The following TDRD1 variants were observed in gnomAD, a reference collection of about 807,000 sequenced individuals.
TDRD1 encodes the protein tudor domain-containing protein 1.
Under a neutral mutation model 140.6 loss-of-function variants are expected in TDRD1, and 37 were observed. The observed-to-expected ratio is 0.26, with a 90% CI of 0.20 to 0.35. TDRD1 has a LOEUF of 0.35. Among genes scored for constraint, TDRD1 ranks in the 10% least tolerant of loss-of-function variants. TDRD1 has a pLI of 1.00. For synonymous variants in TDRD1, 506 were observed against 475.7 expected, an observed-to-expected ratio of 1.06 and a Z score of -0.83; for missense variants, 1,243 against 1,393.0, an observed-to-expected ratio of 0.89 and a Z score of 1.71.
At chr10:114,199,459 G>A in intron 4 of TDRD1, 142 bp downstream of exon 4, 3 of 1,032,176 alleles carry the variant, frequency 2.9e-6, no homozygotes, top group Non-Finnish European at 4.0e-6. Context: ...GCAGCTGTCA[G>A]CATCCTGCTG....
chr10:114,197,361 A>G (rs952062391), intron 3 of TDRD1, among the ~76,000 whole-genome samples: 1 of 151,964 alleles, frequency 6.6e-6, no homozygotes, highest in African/African-American at 2.4e-5. Flanking sequence ...TGAGTCTGCT[A>G]TTGTGTTTTG....
rs2034649397 is a variant in TDRD1, at chr10:114,200,388, T to C, written c.530-1022T>C. Among the ~76,000 whole-genome samples, 3 of 152,212 alleles carry C rather than the reference T, an allele frequency of 2.0e-5. No homozygotes were observed. In the South Asian group the frequency reaches 6.2e-4, roughly 32 times the overall value. On this transcript the variant is annotated intron_variant, in intron 4 of 25. Transcript: ENST00000251864. ...CTTTGTGGGTTTGTTGTTGTTGTTG[T>C]TGTTTTTTAGATAACCTGTTTCTTT...
At position 114,202,107 on chromosome 10, in the gene TDRD1, A is replaced by T. The variant is rs376084210; in HGVS notation, c.636-131A>T. Reference sequence around the variant, plus strand: ...CAGCACTGGGGAGTTTTACATTACCACTGTGATTCTGGAAGAAGCTGTTTT... The same window carrying T: ...CAGCACTGGGGAGTTTTACATTACCTCTGTGATTCTGGAAGAAGCTGTTTT... On this transcript the variant is annotated intron_variant, in intron 5 of 25. Coordinates refer to ENST00000251864, the Ensembl canonical transcript of TDRD1. 1.4e-5 allele frequency: 9 copies of T among 662,030 alleles called. No individual in the cohort carries two copies. In the East Asian group the frequency reaches 1.4e-4, roughly 11 times the overall value. The allele number at this position is 662,030 out of a possible 1,614,324, so 41.0% of individuals were successfully genotyped here. A position where few individuals can be genotyped will look rare whatever the true frequency, so the allele number is the denominator to read the frequency against.
chr10:114,191,490 C>A (rs1319044681), intron 3 of TDRD1, among the ~76,000 whole-genome samples: 1 of 152,146 alleles, frequency 6.6e-6, no homozygotes, highest in Admixed American at 6.5e-5. Context: ...CAGTACGTAA[C>A]CTTTTGGGAT....
At chr10:114,207,690 A>C (rs2035215856) in intron 11 of TDRD1, among the ~76,000 whole-genome samples, 3 of 152,088 alleles carry the variant, frequency 2.0e-5, no homozygotes, top group Admixed American at 1.3e-4. Flanking sequence ...TGCAACATGG[A>C]GTGAGGAGCT....
At chr10:114,221,033 CAT>C (rs1272723261) in intron 19 of TDRD1, among the ~76,000 whole-genome samples, 190 bp downstream of exon 19, 8 of 151,946 alleles carry the variant, frequency 5.3e-5, no homozygotes, top group South Asian at 2.1e-4. Context: ...GTCAGATAAA[CAT>C]ATACAGAGAT....
At chr10:114,176,771 CAGAA>C (rs1205114381), upstream of TDRD1, among the ~76,000 whole-genome samples, 1 of 151,608 alleles carries the variant, frequency 6.6e-6, no homozygotes, top group Non-Finnish European at 1.5e-5. The surrounding 1 kb of genome is among the most constrained non-coding windows in gnomAD (Gnocchi z 4.2). Context: ...AAGACCCTTT[CAGAA>C]AGAAAGGAAA....
intron 11 of TDRD1, among the ~76,000 whole-genome samples, chr10:114,208,432 A>G (rs1274833531): frequency 6.6e-6 from 1 of 152,194 alleles, no homozygotes; most frequent in African/African-American, 2.4e-5. Flanking sequence ...CTGTCACACA[A>G]TTAAATCAGT....
intron 2 of TDRD1, 40 bp from the exon 3 acceptor site, chr10:114,190,921 T>A: frequency 6.3e-7 from 1 of 1,586,846 alleles, no homozygotes; most frequent in Non-Finnish European, 8.7e-7. Context: ...ATAAAAAGTA[T>A]TATTTGGCTT....
chr10:114,199,050 C>T, intron 3 of TDRD1, 123 bp from the exon 4 acceptor site: 2 of 1,114,954 alleles, frequency 1.8e-6, no homozygotes, highest in South Asian at 3.3e-5. Flanking sequence ...TTTTAGTTTA[C>T]CTTAATAGGA....
chr10:114,217,682 CT>C, intron 17 of TDRD1, 27 bp downstream of exon 17: 1 of 1,177,194 alleles, frequency 8.5e-7, no homozygotes, highest in Non-Finnish European at 1.3e-6. Flanking sequence ...GCAATCTTGA[CT>C]TTTAGAACCT....
At chr10:114,226,404 C>T (rs1013896761) in intron 22 of TDRD1, among the ~76,000 whole-genome samples, 188 bp downstream of exon 22, 2 of 152,110 alleles carry the variant, frequency 1.3e-5, no homozygotes, top group Non-Finnish European at 2.9e-5. Context: ...AAACTGTGTT[C>T]AGTCAGTCTT....
Position 114,204,236 on chromosome 10 carries a change from T to G in TDRD1, c.1125+20T>G. On this transcript the variant is annotated intron_variant, in intron 9 of 25. Coordinates refer to ENST00000251864, the Ensembl canonical transcript of TDRD1. ...CCTTGTGTGAGTCTCTTTTACTTTCTAGATTTTTAATAGTGTCCCAAAGGA... is the reference window on the plus strand; with the variant it reads ...CCTTGTGTGAGTCTCTTTTACTTTCGAGATTTTTAATAGTGTCCCAAAGGA... 1 of 1,571,168 alleles carries G rather than the reference T, an allele frequency of 6.4e-7. No individual in the cohort carries two copies. The highest frequency in any genetic ancestry group is 8.6e-7 in the Non-Finnish European group (1 of 1,167,108).
chr10:114,192,292 C>CTTTTTT (rs938140798), intron 3 of TDRD1, among the ~76,000 whole-genome samples: 1,925 of 75,092 alleles, frequency 0.026, 170 homozygotes, highest in Middle Eastern at 0.042. Context: ...GATAGTTTTC[C>CTTTTTT]TTTTTTTTTT....
intron 25 of TDRD1, among the ~76,000 whole-genome samples, chr10:114,229,547 CT>C (rs34051507): frequency 0.011 from 1,358 of 126,204 alleles, 10 homozygotes; most frequent in African/African-American, 0.037. Context: ...ATCTTTTAAT[CT>C]TTTTTTTTTT....
chr10:114,183,713 T>C (rs1320927391), intron 1 of TDRD1, among the ~76,000 whole-genome samples: 1 of 150,796 alleles, frequency 6.6e-6, no homozygotes, highest in Non-Finnish European at 1.5e-5. Context: ...TTTTTTTTTT[T>C]TTTTTTTGAG....
chr10:114,178,162 T>G (rs1041169800), upstream of TDRD1, among the ~76,000 whole-genome samples: 1 of 152,138 alleles, frequency 6.6e-6, no homozygotes, highest in African/African-American at 2.4e-5. Context: ...ATTTCACTAT[T>G]CTGTAAATCT....
intron 25 of TDRD1, chr10:114,228,544 A>C: frequency 1.0e-6 from 1 of 991,564 alleles, no homozygotes; most frequent in Admixed American, 5.9e-5. Context: ...GGGTATCTAA[A>C]GGGCCAAGAA....
intron 3 of TDRD1, among the ~76,000 whole-genome samples, chr10:114,198,720 CAT>C (rs970883989): frequency 7.2e-5 from 11 of 152,174 alleles, no homozygotes; most frequent in African/African-American, 1.4e-4. Flanking sequence ...CAGGCACTAT[CAT>C]AGCTCGCTAC....
Sources: gnomAD v4.1 joint callset for allele counts (sites outside exome capture counted in the v4.1 genomes callset) on GRCh38, gnomAD v4.1.1 for gene constraint, Gnocchi (gnomAD v3.1) non-coding constraint, MANE v1.5 for transcripts, NCBI Gene and HGNC (gene_info 2026-07-23, HGNC 2026-07-21) for gene names.